The following RNF141 variants were observed in gnomAD, a reference collection of about 807,000 sequenced individuals.
RNF141 encodes the protein C3HC4-like zinc finger protein.
RNF141 carries 18 observed loss-of-function variants against 27.4 expected under a neutral mutation model. The ratio of observed to expected loss-of-function variants is 0.66; its 90% CI spans 0.45 to 0.97. The LOEUF is 0.97. Ranked by LOEUF, RNF141 falls within the 50% of genes least tolerant of loss-of-function variation. RNF141 has a pLI of 0.00. For synonymous variants in RNF141, 97 were observed against 96.6 expected (o/e 1.00, Z -0.02); for missense variants, 230 against 279.4 (o/e 0.82, Z 1.26).
At chr11:10,527,491 GAGA>G (rs752371027) in intron 3 of RNF141, among the ~76,000 whole-genome samples, 3 of 148,708 alleles carry the variant, frequency 2.0e-5, no homozygotes, top group Non-Finnish European at 4.6e-5. Context: ...AAGGAGCACA[GAGA>G]GTCTCACAAG....
At chr11:10,537,193 A>G (rs1244647737) in intron 1 of RNF141, among the ~76,000 whole-genome samples, 1 of 152,200 alleles carries the variant, frequency 6.6e-6, no homozygotes, top group Non-Finnish European at 1.5e-5. Context: ...TGGCTGCTAC[A>G]TGTGAGCTCC....
At chr11:10,539,703 A>ATATATATATATATAT (rs1347764353) in intron 1 of RNF141, among the ~76,000 whole-genome samples, 5 of 1,780 alleles carry the variant, frequency 2.8e-3, no homozygotes, top group South Asian at 0.015. Flanking sequence ...TATATATTAG[A>ATATATATATATATAT]GAGAGAAGGA....
At chr11:10,517,404 T>C (rs879465527) in intron 5 of RNF141, 4 of 151,970 alleles carry the variant, frequency 2.6e-5, no homozygotes, top group Non-Finnish European at 4.4e-5. Context: ...GGCTAATACA[T>C]GGTAATTGGA....
chr11:10,533,990 C>T (rs756363942), intron 2 of RNF141, 26 bp downstream of exon 2: 18 of 1,605,080 alleles, frequency 1.1e-5, no homozygotes, highest in South Asian at 1.0e-4. Context: ...AGGGGAAAAA[C>T]GAAAAACAAA....
intron 5 of RNF141, 195 bp downstream of exon 5, chr11:10,518,839 C>G (rs944104253): frequency 6.4e-6 from 3 of 471,592 alleles, no homozygotes; most frequent in Non-Finnish European, 1.1e-5. Flanking sequence ...TAAGGTACAC[C>G]CCCATATTTA....
chr11:10,511,819 C>T lies in RNF141; in HGVS notation c.*3097G>A, dbSNP rs531301419. On this transcript the variant is annotated 3_prime_UTR_variant, in exon 6 of 6. Transcript: ENST00000265981. ...TTGAAATGAATTTTAAAACAGCACA[C>T]AAACATCACAAGCCCCCAGCGCACA... The T allele has an allele frequency of 1.3e-5, 2 of 152,576 alleles. No individual in the cohort carries two copies. Among genetic ancestry groups the T allele is most frequent in the Admixed American group, 6.5e-5 (1 of 15,270 alleles). 9.5% of individuals were successfully genotyped at this position (152,576 alleles called of 1,614,324 possible).
In RNF141 at chr11:10,513,036, TCA is replaced by T. The variant is rs1393773800; in HGVS notation, c.*1878_*1879del. ...TAGTGTGAAAACCACAAATAAAGTCTCAGTTTCTAAAGTAAGAACACATAAAC... is the reference window on the plus strand; with the variant it reads ...TAGTGTGAAAACCACAAATAAAGTCTGTTTCTAAAGTAAGAACACATAAAC... On this transcript the variant is annotated 3_prime_UTR_variant, in exon 6 of 6. Coordinates refer to ENST00000265981, the MANE Select transcript of RNF141 (RefSeq NM_016422.4). 1.3e-5 allele frequency: 2 copies of T among 152,224 alleles called. No individual in the cohort carries two copies. Among genetic ancestry groups the T allele is most frequent in the East Asian group, 3.8e-4 (2 of 5,206 alleles). 9.4% of individuals were successfully genotyped at this position (152,224 alleles called of 1,614,324 possible). A position where few individuals can be genotyped will look rare whatever the true frequency, so the allele number is the denominator to read the frequency against.
At chr11:10,526,794 AAAG>A (rs1420624510) in intron 3 of RNF141, among the ~76,000 whole-genome samples, 9 of 152,210 alleles carry the variant, frequency 5.9e-5, no homozygotes, top group African/African-American at 2.2e-4. Context: ...AAAAAAAAAA[AAAG>A]AATGAGTCAT....
Position 10,514,403 on chromosome 11 carries a change from C to T in RNF141, c.*513G>A, listed in dbSNP as rs1198343502. 1 of 152,344 alleles carries T rather than the reference C, an allele frequency of 6.6e-6. No homozygotes were observed. Among genetic ancestry groups the T allele is most frequent in the Non-Finnish European group, 1.5e-5 (1 of 68,058 alleles). 9.4% of individuals were successfully genotyped at this position (152,344 alleles called of 1,614,324 possible). A position where few individuals can be genotyped will look rare whatever the true frequency, so the allele number is the denominator to read the frequency against. ...AATTATTAAAGGAGCAATAATTAACCACAAGGGGGCATATATATATATACT... is the reference window on the plus strand; with the variant it reads ...AATTATTAAAGGAGCAATAATTAACTACAAGGGGGCATATATATATATACT... On this transcript the variant is annotated 3_prime_UTR_variant, in exon 6 of 6. Coordinates refer to ENST00000265981, the MANE Select transcript of RNF141 (RefSeq NM_016422.4).
intron 1 of RNF141, among the ~76,000 whole-genome samples, chr11:10,540,242 T>C (rs1298603530): frequency 4.6e-5 from 7 of 152,094 alleles, no homozygotes; most frequent in Admixed American, 6.5e-5. Flanking sequence ...GATGTAAGAA[T>C]TATAAACAAT....
intron 1 of RNF141, 55 bp from the exon 2 acceptor site, chr11:10,534,260 C>T (rs553893131): frequency 5.8e-5 from 74 of 1,267,890 alleles, no homozygotes; most frequent in Non-Finnish European, 7.7e-5. Flanking sequence ...CGGCAATATA[C>T]TCATTCTTCA....
intron 5 of RNF141, chr11:10,516,530 G>C (rs985304870): frequency 1.3e-5 from 2 of 152,424 alleles, no homozygotes; most frequent in Middle Eastern, 3.1e-3. Flanking sequence ...GGGTTTACAG[G>C]GCAGGGTAAT....
rs1425401203 is a variant in RNF141, at chr11:10,519,032, A to G, written c.542+2T>C. ...AGCCCATGAATGCAGTAGGTAACTT[A>G]CCATTTATCAATACACTTCTGACAA... On this transcript the variant is annotated splice_donor_variant, in intron 5 of 5. Coordinates refer to ENST00000265981, the MANE Select transcript of RNF141 (RefSeq NM_016422.4). LOFTEE classifies it high-confidence loss of function. 1.2e-6 allele frequency: 2 copies of G among 1,612,944 alleles called. No homozygotes were observed. The highest frequency in any genetic ancestry group is 1.7e-6 in the Non-Finnish European group (2 of 1,179,024).
At chr11:10,532,764 G>A (rs116229896) in intron 2 of RNF141, among the ~76,000 whole-genome samples, 39 of 152,188 alleles carry the variant, frequency 2.6e-4, no homozygotes, top group African/African-American at 8.4e-4. Flanking sequence ...TAATGCCTAC[G>A]GAGTGGGTTC....
intron 4 of RNF141, among the ~76,000 whole-genome samples, chr11:10,522,375 T>A (rs1849894723): frequency 6.6e-6 from 1 of 152,224 alleles, no homozygotes; most frequent in South Asian, 2.1e-4. Context: ...GTGGAACCAG[T>A]ACAAAGTTCT....
chr11:10,532,532 C>CA (rs1849997009), intron 2 of RNF141, among the ~76,000 whole-genome samples: 2 of 131,084 alleles, frequency 1.5e-5, no homozygotes, highest in African/African-American at 5.5e-5. Flanking sequence ...CACACACACA[C>CA]ACACACCCCA....
intron 1 of RNF141, among the ~76,000 whole-genome samples, chr11:10,538,233 TG>T: frequency 6.6e-6 from 1 of 152,342 alleles, no homozygotes. Context: ...ACTAACTCCT[TG>T]CATTAAAATG....
intron 5 of RNF141, chr11:10,517,107 A>C (rs1011467602): frequency 6.6e-6 from 1 of 152,208 alleles, no homozygotes; most frequent in Admixed American, 6.5e-5. Flanking sequence ...GATAAAATGG[A>C]AAGTTATTAT....
chr11:10,521,529 C>T (rs1849887662), intron 4 of RNF141, among the ~76,000 whole-genome samples: 2 of 152,320 alleles, frequency 1.3e-5, no homozygotes, highest in Admixed American at 6.5e-5. Flanking sequence ...GGAGCTATCA[C>T]TAATATGTTT....
Sources: gnomAD v4.1 joint callset for allele counts (sites outside exome capture counted in the v4.1 genomes callset) on GRCh38, gnomAD v4.1.1 for gene constraint, MANE v1.5 for transcripts, NCBI Gene and HGNC (gene_info 2026-07-23, HGNC 2026-07-21) for gene names.